USP14: variants seen among roughly 807,000 people sequenced by gnomAD.
USP14 encodes the protein ubiquitin specific peptidase 14, also known as ubiquitin carboxyl-terminal hydrolase 14.
Under a neutral mutation model 76.5 loss-of-function variants are expected in USP14, and 38 were observed. The observed-to-expected ratio is 0.50, with a 90% confidence interval of 0.38 to 0.65. USP14 has a LOEUF of 0.65. USP14 is among the 30% of genes least tolerant of loss of function. The pLI is 0.00. For synonymous variants in USP14, 192 were observed against 191.7 expected (o/e 1.00, Z -0.01); for missense variants, 467 against 586.5 (o/e 0.80, Z 2.10).
chr18:164,258 C>T (rs569328841), intron 2 of USP14, among the ~76,000 whole-genome samples: 1 of 152,050 alleles, frequency 6.6e-6, no homozygotes, highest in East Asian at 1.9e-4. Flanking sequence ...AAAATTTTAT[C>T]TCAGTTTAAA....
chr18:198,724 A>G (rs1342228930), intron 9 of USP14, among the ~76,000 whole-genome samples: 1 of 152,084 alleles, frequency 6.6e-6, no homozygotes, highest in African/African-American at 2.4e-5. Flanking sequence ...TTCACCTTAT[A>G]AAGAATTAAT....
Position 163,382 on chromosome 18 carries a change from G to A in USP14, c.91G>A (p.Ala31Thr). The A allele has an allele frequency of 6.2e-7, 1 of 1,614,116 alleles. No individual in the cohort carries two copies. Among genetic ancestry groups the A allele is most frequent in the East Asian group, 2.2e-5 (1 of 44,886 alleles). The change falls in exon 2 of 16, where the codon GCT (alanine) becomes ACT (threonine). Residue 31 changes from alanine to threonine, a missense_variant. Physicochemically the swap from Ala to Thr is moderately conservative, Grantham distance 58. Transcript: ENST00000261601. ...AGATGAACCTCCAATGGTATTCAAG[G>A]CTCAGCTGTTTGCGTTGACTGGAGT... is the stretch of plus-strand genomic sequence containing the variant. ...NTDEPPMVFK[A>T]QLFALTGVQP...
At chr18:184,803 A>T (rs564227099) in intron 5 of USP14, among the ~76,000 whole-genome samples, 4 of 152,232 alleles carry the variant, frequency 2.6e-5, no homozygotes, top group Non-Finnish European at 5.9e-5. Context: ...AGTGGGATGT[A>T]TAATGATGGA....
Position 173,164 on chromosome 18 carries a change from A to G in USP14, c.196-5769A>G, listed in dbSNP as rs185743745. 2.5e-3 allele frequency among the ~76,000 whole-genome samples: 375 copies of G among 149,574 alleles called. 2 individuals carry two copies. The highest frequency in any genetic ancestry group is 0.017 in the Middle Eastern group (5 of 288). ...CACCCTGTTGCCCAGGCTGGAGTGC[A>G]GTGGCACGATCTCGGCTCACTGCAA... On this transcript the variant is annotated intron_variant, in intron 3 of 15. Transcript: ENST00000261601.
rs779541409 is a variant in USP14 at position 210,367 on chromosome 18, G to A, written c.1226-19G>A. 5.8e-6 allele frequency: 9 copies of A among 1,542,330 alleles called. No individual in the cohort carries two copies. Among genetic ancestry groups the A allele is most frequent in the Non-Finnish European group, 7.1e-6 (8 of 1,127,888 alleles). On this transcript the variant is annotated intron_variant, in intron 14 of 15. Transcript: ENST00000261601. Reference sequence around the variant, plus strand: ...GTCTATTCATTGTCTAATATTAATGGATTTACATCTTTCTTTAGATATTGG... The same window carrying A: ...GTCTATTCATTGTCTAATATTAATGAATTTACATCTTTCTTTAGATATTGG...
chr18:207,036 A>AAACTTCATGTGTCTTTCTATTCATTTAGG (rs1555603127), intron 13 of USP14, among the ~76,000 whole-genome samples: 10 of 146,872 alleles, frequency 6.8e-5, no homozygotes, highest in South Asian at 2.2e-4. Flanking sequence ...GCATGTGAAT[A>AAACTTCATGTGTCTTTCTATTCATTTAGG]TCTGGTTGTC....
At chr18:209,378 T>C (rs576065137) in intron 13 of USP14, among the ~76,000 whole-genome samples, 6 of 152,234 alleles carry the variant, frequency 3.9e-5, no homozygotes, top group Non-Finnish European at 4.4e-5. Flanking sequence ...CTTTGTGCTG[T>C]ATTCCTAGAT....
chr18:179,888 A>G (rs936536920), intron 4 of USP14, among the ~76,000 whole-genome samples: 1 of 151,556 alleles, frequency 6.6e-6, no homozygotes, highest in African/African-American at 2.4e-5. Flanking sequence ...GGTGTGAGCC[A>G]CTGTGCCCAA....
chr18:202,040 T>C (rs752321778), intron 10 of USP14, among the ~76,000 whole-genome samples: 8 of 152,224 alleles, frequency 5.3e-5, no homozygotes, highest in Non-Finnish European at 1.2e-4. Flanking sequence ...AATCAGACTT[T>C]AAAATTATAC....
At chr18:161,316 C>T (rs1460875860) in intron 1 of USP14, among the ~76,000 whole-genome samples, 1 of 152,196 alleles carries the variant, frequency 6.6e-6, no homozygotes, top group Admixed American at 6.5e-5. Flanking sequence ...TCCCTTCACT[C>T]TGGTAATTAA....
chr18:179,953 C>G (rs1909739897), intron 4 of USP14, among the ~76,000 whole-genome samples: 2 of 151,852 alleles, frequency 1.3e-5, no homozygotes, highest in African/African-American at 4.8e-5. Flanking sequence ...TGCCTATTCT[C>G]TTCTCTTGAT....
At chr18:195,971 AG>A (rs764438550) in intron 6 of USP14, among the ~76,000 whole-genome samples, 4 of 152,122 alleles carry the variant, frequency 2.6e-5, no homozygotes, top group Non-Finnish European at 4.4e-5. Context: ...AGATTTAAAA[AG>A]GATTTTTTTT....
At chr18:179,073 C>A in intron 4 of USP14, 36 bp downstream of exon 4, 1 of 1,463,540 alleles carries the variant, frequency 6.8e-7, no homozygotes, top group Non-Finnish European at 9.4e-7. Context: ...TTGATCACTA[C>A]TTTTTGAAGG....
At chr18:169,260 G>A (rs1192165015) in intron 3 of USP14, among the ~76,000 whole-genome samples, 1 of 149,788 alleles carries the variant, frequency 6.7e-6, no homozygotes, top group African/African-American at 2.5e-5. Context: ...GTGTCATGGT[G>A]CACGCCAAGA....
chr18:192,963 C>T, intron 6 of USP14, 63 bp downstream of exon 6: 1 of 1,396,396 alleles, frequency 7.2e-7, no homozygotes, highest in Admixed American at 1.9e-5. Context: ...CGCTCACAAT[C>T]CTTTGCAGTT....
intron 5 of USP14, among the ~76,000 whole-genome samples, chr18:186,220 G>A (rs1485427009): frequency 1.3e-5 from 2 of 152,124 alleles, no homozygotes; most frequent in Non-Finnish European, 2.9e-5. Context: ...CCAGTGCTTT[G>A]GGAGGCTGAA....
chr18:178,781 C>G (rs1264006656), intron 3 of USP14, 152 bp from the exon 4 acceptor site: 4 of 533,546 alleles, frequency 7.5e-6, no homozygotes, highest in African/African-American at 1.9e-5. Context: ...ATCTCCAGTC[C>G]TAGGCAGCAA....
chr18:203,591 G>A (rs1313795220), intron 12 of USP14, among the ~76,000 whole-genome samples: 3 of 151,786 alleles, frequency 2.0e-5, no homozygotes, highest in Non-Finnish European at 4.4e-5. Context: ...TGATAACTCT[G>A]CACTATACTC....
chr18:160,247 T>A (rs924810237), intron 1 of USP14, among the ~76,000 whole-genome samples: 13 of 152,114 alleles, frequency 8.5e-5, no homozygotes, highest in African/African-American at 2.9e-4. Flanking sequence ...GAGGTTGTAG[T>A]GAGCCAAGAT....
Sources: gnomAD v4.1 joint callset for allele counts (sites outside exome capture counted in the v4.1 genomes callset) on GRCh38, gnomAD v4.1.1 for gene constraint, MANE v1.5 for transcripts, NCBI Gene and HGNC (gene_info 2026-07-23, HGNC 2026-07-21) for gene names.